The following PCMTD2 variants were observed in gnomAD, a reference collection of about 807,000 sequenced individuals.
The protein encoded by PCMTD2 is protein-L-isoaspartate O-methyltransferase domain-containing protein 2.
In PCMTD2, 16 loss-of-function variants were observed where a neutral mutation model predicts 33.4. The ratio of observed to expected loss-of-function variants is 0.48; its 90% CI spans 0.32 to 0.73. The LOEUF (loss-of-function observed/expected upper bound fraction) is 0.73. Among genes scored for constraint, PCMTD2 ranks in the 30% least tolerant of loss-of-function variants. PCMTD2 has a pLI of 0.03. For missense variants in PCMTD2, 374 were observed against 449.9 expected, an observed-to-expected ratio of 0.83 and a Z score of 1.53; for synonymous variants, 161 against 160.8, an observed-to-expected ratio of 1.00 and a Z score of -0.01.
intron 1 of PCMTD2, among the ~76,000 whole-genome samples, chr20:64,257,880 G>C (rs1007281812): frequency 1.3e-5 from 2 of 152,200 alleles, no homozygotes; most frequent in African/African-American, 2.4e-5. Flanking sequence ...AAATTAACCG[G>C]CCAGCTCCAA....
intron 5 of PCMTD2, chr20:64,272,030 G>A (rs1053766592): frequency 2.8e-6 from 1 of 359,510 alleles, no homozygotes; most frequent in African/African-American, 2.1e-5. Context: ...TGAAGAGAAA[G>A]GACTGAAGAC....
chr20:64,263,896 CG>C (rs572485536), intron 2 of PCMTD2, among the ~76,000 whole-genome samples: 127 of 152,242 alleles, frequency 8.3e-4, no homozygotes, highest in African/African-American at 2.8e-3. Context: ...AGTTTTATAT[CG>C]GGGGAGCACT....
At chr20:64,263,024 T>C (rs1467294436) in intron 2 of PCMTD2, 2 of 152,224 alleles carry the variant, frequency 1.3e-5, no homozygotes, top group African/African-American at 2.4e-5. Context: ...TTACTACTGT[T>C]TGGTGTTAAG....
rs1343191257 is a variant in PCMTD2 at position 64,274,622 on chromosome 20, A to G, written c.*1022A>G. On this transcript the variant is annotated 3_prime_UTR_variant, in exon 6 of 6. Coordinates refer to ENST00000308824, the MANE Select transcript of PCMTD2 (RefSeq NM_018257.3). ...ACATTAGTACTGATTCATAGATTCTATCTTTTATAATTCTGGAGAAAAAGA... is the reference window on the plus strand; with the variant it reads ...ACATTAGTACTGATTCATAGATTCTGTCTTTTATAATTCTGGAGAAAAAGA... 3.3e-5 allele frequency: 5 copies of G among 152,160 alleles called. No homozygotes were observed. Among genetic ancestry groups the G allele is most frequent in the South Asian group, 2.1e-4 (1 of 4,828 alleles). The allele number at this position is 152,160 out of a possible 1,614,324, so 9.4% of individuals were successfully genotyped here.
rs533966878 is a variant in PCMTD2 at position 64,259,092 on chromosome 20, T to C, written c.-24-850T>C. Among the ~76,000 whole-genome samples, 7 of 152,316 alleles carry C rather than the reference T, an allele frequency of 4.6e-5. No individual in the cohort carries two copies. In the South Asian group the frequency reaches 8.3e-4, roughly 18 times the overall value. ...GTTATTTTTAAAGAGCTGGGAAAGC[T>C]GCGTATCATGCAATTGAGGAGGGGC... On this transcript the variant is annotated intron_variant, in intron 1 of 5. Transcript: ENST00000308824.
intron 2 of PCMTD2, among the ~76,000 whole-genome samples, chr20:64,262,015 G>A (rs911411097): frequency 2.6e-5 from 4 of 152,196 alleles, no homozygotes; most frequent in African/African-American, 9.7e-5. Context: ...CACTTTGGGA[G>A]GCCGAGGCAG....
intron 2 of PCMTD2, 75 bp downstream of exon 2, chr20:64,260,347 C>G: frequency 1.9e-6 from 2 of 1,033,382 alleles, no homozygotes; most frequent in East Asian, 2.4e-5. Context: ...AAAATGTAGT[C>G]TGCTAATGGC....
At chr20:64,264,638 G>T (rs1046506597) in intron 3 of PCMTD2, 107 bp downstream of exon 3, 1 of 667,516 alleles carries the variant, frequency 1.5e-6, no homozygotes, top group African/African-American at 1.8e-5. Context: ...TTAAACTGTG[G>T]TGGGATGATT....
At chr20:64,264,801 A>G (rs1385806552) in intron 3 of PCMTD2, among the ~76,000 whole-genome samples, 1 of 152,216 alleles carries the variant, frequency 6.6e-6, no homozygotes, top group Non-Finnish European at 1.5e-5. Flanking sequence ...CCTAAAATAA[A>G]ATTGTTGCAT....
At chr20:64,259,692 A>G (rs1321091539) in intron 1 of PCMTD2, 2 of 469,036 alleles carry the variant, frequency 4.3e-6, no homozygotes, top group Admixed American at 3.9e-5. Context: ...ACCCGGCCTA[A>G]ATTTGAATTT....
At chr20:64,259,814 G>A (rs2145754238) in intron 1 of PCMTD2, 128 bp from the exon 2 acceptor site, 2 of 584,184 alleles carry the variant, frequency 3.4e-6, no homozygotes, top group Non-Finnish European at 6.0e-6. Context: ...GGGATGAGGT[G>A]GGTGTTGACA....
At chr20:64,266,596 C>T in intron 4 of PCMTD2, among the ~76,000 whole-genome samples, 1 of 152,156 alleles carries the variant, frequency 6.6e-6, no homozygotes. Context: ...ACTGTGTTGC[C>T]TGGGCTGATC....
intron 1 of PCMTD2, chr20:64,257,120 C>T (rs1985199956): frequency 6.6e-6 from 1 of 152,164 alleles, no homozygotes; most frequent in African/African-American, 2.4e-5. Context: ...GGTCCTTTTC[C>T]CCACTCATCT....
At chr20:64,265,719 C>T (rs1985630457) in intron 4 of PCMTD2, 1 of 318,768 alleles carries the variant, frequency 3.1e-6, no homozygotes, top group Non-Finnish European at 5.7e-6. Context: ...CTCTTCCTTC[C>T]CCTTCTCCTT....
chr20:64,257,788 A>G (rs930693173), intron 1 of PCMTD2, among the ~76,000 whole-genome samples: 2 of 152,258 alleles, frequency 1.3e-5, no homozygotes, highest in Non-Finnish European at 2.9e-5. Context: ...CTGGTGTGGT[A>G]TTAAAAACAC....
At chr20:64,268,144 T>TGTGCAGTCCTTTCTG in intron 5 of PCMTD2, 134 bp downstream of exon 5, 1 of 567,828 alleles carries the variant, frequency 1.8e-6, no homozygotes, top group Non-Finnish European at 3.0e-6. Flanking sequence ...TGTAAAATTC[T>TGTGCAGTCCTTTCTG]ACAAGCAATT....
Position 64,274,306 on chromosome 20 carries a change from T to G in PCMTD2, c.*706T>G, listed in dbSNP as rs1236374866. Reference sequence around the variant, plus strand: ...GAGAGAATTCCAAAGAGGGTTTTTTTTTTTTTTTTTAGGACATCTTTTGAT... The same window carrying G: ...GAGAGAATTCCAAAGAGGGTTTTTTGTTTTTTTTTTAGGACATCTTTTGAT... On this transcript the variant is annotated 3_prime_UTR_variant, in exon 6 of 6. Coordinates refer to ENST00000308824, the MANE Select transcript of PCMTD2 (RefSeq NM_018257.3). 2 of 152,030 alleles carry G rather than the reference T, an allele frequency of 1.3e-5. No homozygotes were observed. Among genetic ancestry groups the G allele is most frequent in the Non-Finnish European group, 2.9e-5 (2 of 68,012 alleles). The allele number at this position is 152,030 out of a possible 1,614,324, so 9.4% of individuals were successfully genotyped here. A position where few individuals can be genotyped will look rare whatever the true frequency, so the allele number is the denominator to read the frequency against.
chr20:64,261,919 T>C (rs1244509972), intron 2 of PCMTD2, among the ~76,000 whole-genome samples: 3 of 152,132 alleles, frequency 2.0e-5, no homozygotes, highest in East Asian at 3.9e-4. Context: ...AGAAATACTA[T>C]AGGAAAGAGC....
chr20:64,259,561 GTA>G (rs371313741), intron 1 of PCMTD2, among the ~76,000 whole-genome samples: 6 of 151,798 alleles, frequency 4.0e-5, no homozygotes, highest in African/African-American at 1.5e-4. Flanking sequence ...GCTAATTTTT[GTA>G]TTTTTTAGTA....
Sources: allele counts gnomAD v4.1 joint callset (sites outside exome capture counted in the v4.1 genomes callset), GRCh38; gene constraint gnomAD v4.1.1; transcripts MANE v1.5; gene names NCBI Gene and HGNC (gene_info 2026-07-23, HGNC 2026-07-21).